Variants in FAIM2 observed in about 807,000 individuals in gnomAD.
FAIM2 encodes protein lifeguard 2.
A neutral mutation model predicts 47.4 loss-of-function variants in FAIM2; 27 were observed. The observed-to-expected ratio is 0.57, with a 90% CI of 0.42 to 0.78. The LOEUF is 0.78. Among genes scored for constraint, FAIM2 ranks in the 30% least tolerant of loss-of-function variants. The pLI, the probability that FAIM2 is intolerant of heterozygous loss-of-function variation, is 0.00. For missense variants in FAIM2, 311 were observed against 389.4 expected (o/e 0.80, Z 1.69); for synonymous variants, 156 against 159.3 (o/e 0.98, Z 0.16).
At chr12:49,891,295 A>G (rs1353377304) in intron 5 of FAIM2, among the ~76,000 whole-genome samples, 181 bp from the exon 6 acceptor site, 1 of 152,158 alleles carries the variant, frequency 6.6e-6, no homozygotes, top group Non-Finnish European at 1.5e-5. Flanking sequence ...GTTCCAAAAG[A>G]GAGCAAAAGG....
At chr12:49,899,050 C>T (rs560961128) in intron 2 of FAIM2, among the ~76,000 whole-genome samples, 15 of 152,210 alleles carry the variant, frequency 9.9e-5, no homozygotes, top group South Asian at 6.2e-4. Context: ...GTCAAACAGA[C>T]GCAGGGGTGG....
chr12:49,868,166 G>A lies in FAIM2; in HGVS notation c.*2338C>T, dbSNP rs1027481087. On this transcript the variant is annotated 3_prime_UTR_variant, in exon 12 of 12. Transcript: ENST00000320634. ...GCTATCTGACAGTGGCAGGAGAGTG[G>A]GGTGCTGGGGCTAACCCTCTGGAAC... 6.6e-6 allele frequency: 1 copy of A among 152,352 alleles called. No individual in the cohort carries two copies. The highest frequency in any genetic ancestry group is 2.4e-5 in the African/African-American group (1 of 41,424). The allele number at this position is 152,352 out of a possible 1,614,324, so 9.4% of individuals were successfully genotyped here. A position where few individuals can be genotyped will look rare whatever the true frequency, so the allele number is the denominator to read the frequency against.
At chr12:49,880,642 ATGTG>A in intron 11 of FAIM2, among the ~76,000 whole-genome samples, 1 of 148,340 alleles carries the variant, frequency 6.7e-6, no homozygotes, top group Non-Finnish European at 1.5e-5. Flanking sequence ...ATATATATGC[ATGTG>A]TATCTGTGAG....
rs576604747 is a variant in FAIM2, at chr12:49,884,355, T to A, written c.801+3031A>T. ...TGAGTGGAGGTTCTCTTAAAAGGAA[T>A]TTTGCTGTATATGGGGAGCAGGGAA... On this transcript the variant is annotated intron_variant, in intron 11 of 11. Transcript: ENST00000320634. Among the ~76,000 whole-genome samples, 10 of 151,880 alleles carry A rather than the reference T, an allele frequency of 6.6e-5. No homozygotes were observed. The South Asian group carries it at 2.1e-3, about 32-fold the overall frequency.
rs149184489 is a variant in FAIM2 at position 49,898,015 on chromosome 12, T to C, written c.287A>G (p.Gln96Arg). Residue 96 changes from glutamine to arginine, a missense_variant, in exon 3 of 12, where the codon CAG becomes CGG. Transcript: ENST00000320634. Reference sequence around the variant, plus strand: ...TCTGACAAAGACTCGACGAACTTTCTGGTCATCCCAGCTGAAAGTGGTGAA... The same window carrying C: ...TCTGACAAAGACTCGACGAACTTTCCGGTCATCCCAGCTGAAAGTGGTGAA... ...ELFTTFSWDD[Q>R]KVRRVFVRKV... 2,667 of 1,613,986 alleles carry C rather than the reference T, an allele frequency of 1.7e-3. 4 individuals are homozygous for C. The highest frequency in any genetic ancestry group is 2.1e-3 in the Non-Finnish European group (2,476 of 1,179,914).
intron 11 of FAIM2, among the ~76,000 whole-genome samples, chr12:49,877,360 G>A (rs1012078896): frequency 2.0e-5 from 3 of 152,256 alleles, no homozygotes; most frequent in African/African-American, 7.2e-5. Flanking sequence ...GGTTGTCTGG[G>A]TGGGGCGTCG....
intron 2 of FAIM2, among the ~76,000 whole-genome samples, chr12:49,898,652 G>A (rs1441508310): frequency 1.3e-5 from 2 of 152,182 alleles, no homozygotes; most frequent in African/African-American, 4.8e-5. Flanking sequence ...TCAACCTCCC[G>A]AGTAGCTGGG....
chr12:49,872,568 G>A (rs908849802), intron 11 of FAIM2, among the ~76,000 whole-genome samples: 6 of 152,212 alleles, frequency 3.9e-5, no homozygotes, highest in Non-Finnish European at 8.8e-5. Flanking sequence ...TAGAATCCTA[G>A]TCGAATCCCA....
rs910132598 is a variant in FAIM2, at chr12:49,870,074, GAC to G, written c.*428_*429del. 1.3e-5 allele frequency: 2 copies of G among 156,582 alleles called. No homozygotes were observed. The highest frequency in any genetic ancestry group is 4.8e-5 in the African/African-American group (2 of 41,618). The allele number at this position is 156,582 out of a possible 1,614,324, so 9.7% of individuals were successfully genotyped here. Reference sequence around the variant, plus strand: ...CTGACCTGGATGAGAAAGACAGGAGGACACAGACTGGATGCAGGACAGTGTGC... The same window carrying G: ...CTGACCTGGATGAGAAAGACAGGAGGACAGACTGGATGCAGGACAGTGTGC... On this transcript the variant is annotated 3_prime_UTR_variant, in exon 12 of 12. Coordinates refer to ENST00000320634, the MANE Select transcript of FAIM2 (RefSeq NM_012306.4).
chr12:49,895,042 G>A (rs1946926453), intron 5 of FAIM2, among the ~76,000 whole-genome samples: 1 of 144,158 alleles, frequency 6.9e-6, no homozygotes, highest in African/African-American at 2.5e-5. Context: ...AGGACGGAGA[G>A]AGCTGAGGGG....
At position 49,898,073 on chromosome 12, in the gene FAIM2, C is replaced by T; in HGVS notation, c.229G>A (p.Asp77Asn). ...TGGTCTCCGGTGGGGAAACCGTTGT[C>T]ATAGCTGGAGCTGCTGCCTGTGTGG... ...YVDPSSSSSY[D>N]NGFPTGDHEL... Residue 77 changes from aspartate (D) to asparagine (N), a missense_variant, in exon 3 of 12, where the codon GAC becomes AAC. Asp to Asn is a conservative substitution (Grantham distance 23). Transcript: ENST00000320634. 6.2e-7 allele frequency: 1 copy of T among 1,613,998 alleles called. No individual in the cohort carries two copies. Among genetic ancestry groups the T allele is most frequent in the East Asian group, 2.2e-5 (1 of 44,884 alleles).
At chr12:49,877,811 T>C (rs979743496) in intron 11 of FAIM2, among the ~76,000 whole-genome samples, 2 of 151,954 alleles carry the variant, frequency 1.3e-5, no homozygotes, top group Non-Finnish European at 2.9e-5. Flanking sequence ...TGAGTGTGCG[T>C]ATGTGTATGT....
Position 49,901,284 on chromosome 12 carries a change from C to T in FAIM2, c.57G>A (p.Gln19=). 1 of 1,605,626 alleles carries T rather than the reference C, an allele frequency of 6.2e-7. No homozygotes were observed. Among genetic ancestry groups the T allele is most frequent in the Non-Finnish European group, 8.5e-7 (1 of 1,176,704 alleles). Residue 19 remains glutamine, a synonymous_variant, in exon 2 of 12, where the codon CAG becomes CAA. Coordinates refer to ENST00000320634, the MANE Select transcript of FAIM2 (RefSeq NM_012306.4). The part of the protein sequence containing the change: ...ANKAPGTEGQ[Q]QVHGEKKEAP... ...CCTCCTTCTTCTCGCCATGCACCTG[C>T]TGCTGCCCCTCGGTCCCAGGGGCCT...
chr12:49,896,058 G>C (rs189060827), intron 5 of FAIM2, among the ~76,000 whole-genome samples: 1 of 152,300 alleles, frequency 6.6e-6, no homozygotes, highest in Admixed American at 6.5e-5. Context: ...CCATCCTTTG[G>C]GGGGCGCCCC....
In FAIM2 at chr12:49,870,330, C is replaced by T. The variant is rs527376719; in HGVS notation, c.*174G>A. On this transcript the variant is annotated 3_prime_UTR_variant, in exon 12 of 12. Transcript: ENST00000320634. The stretch of plus-strand genomic sequence containing the variant: ...TGACGTGGCCTCAGTTCCTCAGGGT[C>T]CCCATGGCGTATGTACAAGCGGCAG... The T allele has an allele frequency of 1.8e-5, 11 of 601,590 alleles. No individual in the cohort carries two copies. The East Asian group carries it at 3.0e-4, about 17-fold the overall frequency. The allele number at this position is 601,590 out of a possible 1,614,324, so 37.3% of individuals were successfully genotyped here. A position where few individuals can be genotyped will look rare whatever the true frequency, so the allele number is the denominator to read the frequency against.
At chr12:49,897,453 G>A (rs1382338347) in intron 4 of FAIM2, 66 bp downstream of exon 4, 1 of 1,452,454 alleles carries the variant, frequency 6.9e-7, no homozygotes, top group Non-Finnish European at 9.7e-7. Flanking sequence ...TCTGATCATG[G>A]GTTCCCCGGC....
intron 5 of FAIM2, among the ~76,000 whole-genome samples, chr12:49,891,846 G>A (rs1946902283): frequency 6.6e-6 from 1 of 152,200 alleles, no homozygotes; most frequent in African/African-American, 2.4e-5. Flanking sequence ...GGGCAATCCA[G>A]AGATAGCGAT....
chr12:49,898,677 C>G (rs995921857), intron 2 of FAIM2, among the ~76,000 whole-genome samples: 1 of 152,180 alleles, frequency 6.6e-6, no homozygotes, highest in Non-Finnish European at 1.5e-5. Context: ...CAGGTGCACA[C>G]CATCACGCCT....
rs1565613081 is a variant in FAIM2, at chr12:49,878,236, ATG to A, written c.802-7585_802-7584del. On this transcript the variant is annotated intron_variant, in intron 11 of 11. Transcript: ENST00000320634. ...CTTGTGTGTATATGTGCATGAGTGTATGTGTGTATATGTGAGTGTATGTGCAT... is the reference window on the plus strand; with the variant it reads ...CTTGTGTGTATATGTGCATGAGTGTATGTGTATATGTGAGTGTATGTGCAT... Among the ~76,000 whole-genome samples, 6 of 120,724 alleles carry A rather than the reference ATG, an allele frequency of 5.0e-5. 1 individual carries two copies. Among genetic ancestry groups the A allele is most frequent in the Non-Finnish European group, 1.0e-4 (6 of 59,242 alleles). 79.2% of individuals were successfully genotyped at this position (120,724 alleles called of 152,430 possible).
Sources: allele counts gnomAD v4.1 joint callset (sites outside exome capture counted in the v4.1 genomes callset), GRCh38; gene constraint gnomAD v4.1.1; transcripts MANE v1.5; gene names NCBI Gene and HGNC (gene_info 2026-07-23, HGNC 2026-07-21).